The following VIT variants were observed in gnomAD, a reference collection of about 807,000 sequenced individuals.
VIT encodes vitrin.
In VIT, 99 loss-of-function variants were observed where a neutral mutation model predicts 78.0. The observed-to-expected ratio is 1.27, with a 90% CI of 1.08 to 1.50. VIT has a LOEUF of 1.50. VIT is among the 40% of genes most tolerant of loss of function. The pLI is 0.00. For missense variants in VIT, 1,126 were observed against 875.3 expected (o/e 1.29, Z -3.61); for synonymous variants, 374 against 334.3 (o/e 1.12, Z -1.29).
intron 1 of VIT, among the ~76,000 whole-genome samples, chr2:36,699,587 T>TATATAC (rs1553357663): frequency 2.2e-5 from 3 of 138,756 alleles, no homozygotes; most frequent in Non-Finnish European, 3.1e-5. Context: ...GAGGAGATTA[T>TATATAC]AGATATAGAT....
intron 9 of VIT, among the ~76,000 whole-genome samples, chr2:36,776,646 C>T (rs891543308): frequency 6.6e-6 from 1 of 151,722 alleles, no homozygotes; most frequent in Non-Finnish European, 1.5e-5. Flanking sequence ...ATTAAAAATA[C>T]AACAATGAGC....
chr2:36,788,539 A>G (rs1665264051), intron 12 of VIT, among the ~76,000 whole-genome samples: 1 of 152,202 alleles, frequency 6.6e-6, no homozygotes. Context: ...ATTGCTGCAA[A>G]TGTCACCTCT....
At chr2:36,760,605 G>A (rs1388960172) in intron 6 of VIT, among the ~76,000 whole-genome samples, 2 of 152,152 alleles carry the variant, frequency 1.3e-5, no homozygotes, top group Non-Finnish European at 2.9e-5. Context: ...TCCTTAAGTG[G>A]CTGGCATCTC....
chr2:36,800,204 G>A (rs1344031940), intron 12 of VIT, among the ~76,000 whole-genome samples: 2 of 152,124 alleles, frequency 1.3e-5, no homozygotes, highest in African/African-American at 2.4e-5. Context: ...AATTAGCCAG[G>A]CGCGGTGGCA....
chr2:36,803,911 C>G (rs1666515481), intron 13 of VIT, among the ~76,000 whole-genome samples: 1 of 152,120 alleles, frequency 6.6e-6, no homozygotes, highest in African/African-American at 2.4e-5. Flanking sequence ...ATTTCAAGTG[C>G]CCTGGGGTTC....
At chr2:36,806,013 C>T (rs1010225477) in intron 14 of VIT, among the ~76,000 whole-genome samples, 7 of 152,058 alleles carry the variant, frequency 4.6e-5, no homozygotes, top group Admixed American at 1.3e-4. Flanking sequence ...CACACACACA[C>T]GCACACACAC....
chr2:36,808,903 C>G lies in VIT; in HGVS notation c.1821C>G (p.Asn607Lys), dbSNP rs1161877010. The G allele has an allele frequency of 6.2e-7, 1 of 1,614,068 alleles. No individual in the cohort carries two copies. Among genetic ancestry groups the G allele is most frequent in the Non-Finnish European group, 8.5e-7 (1 of 1,179,974 alleles). The change falls in exon 15 of 16, where the codon AAC (asparagine) becomes AAG (lysine). Residue 607 changes from asparagine (N) to lysine (K), a missense_variant. Coordinates refer to ENST00000379242, the MANE Select transcript of VIT (RefSeq NM_053276.4). The part of the protein sequence containing the change: ...LEQLFKKSKP[N>K]KRKLMILITD... ...AGCTCTTCAAGAAGTCCAAGCCCAA[C>G]AAGAGGAAGTTAATGATCCTCATCA...
chr2:36,793,144 G>T (rs1665625048), intron 12 of VIT, among the ~76,000 whole-genome samples: 1 of 152,122 alleles, frequency 6.6e-6, no homozygotes, highest in South Asian at 2.1e-4. Context: ...CTGTGATGTG[G>T]TTGCAGATTA....
intron 12 of VIT, among the ~76,000 whole-genome samples, chr2:36,790,461 A>G (rs949793822): frequency 9.2e-5 from 14 of 152,176 alleles, no homozygotes; most frequent in Non-Finnish European, 7.4e-5. Flanking sequence ...CCACCATGGA[A>G]CTGGGCAAGC....
Position 36,808,929 on chromosome 2 carries a change from C to T in VIT, c.1847C>T (p.Thr616Ile), listed in dbSNP as rs773913672. 2 of 1,613,026 alleles carry T rather than the reference C, an allele frequency of 1.2e-6. No individual in the cohort carries two copies. Among genetic ancestry groups the T allele is most frequent in the African/African-American group, 1.3e-5 (1 of 74,906 alleles). Residue 616 changes from threonine to isoleucine, a missense_variant, in exon 15 of 16, where the codon ACC becomes ATC. Physicochemically the swap from Thr to Ile is moderately conservative, Grantham distance 89 (BLOSUM62 -1). Coordinates refer to ENST00000379242, the MANE Select transcript of VIT (RefSeq NM_053276.4). ...AAGAGGAAGTTAATGATCCTCATCA[C>T]CGACGGGAGGTCCTACGACGACGTC... is the stretch of plus-strand genomic sequence containing the variant. ...PNKRKLMILITDGRSYDDVRI... is the reference protein window; with the variant it reads ...PNKRKLMILIIDGRSYDDVRI...
At chr2:36,704,844 C>T (rs1267925232) in intron 1 of VIT, among the ~76,000 whole-genome samples, 1 of 150,878 alleles carries the variant, frequency 6.6e-6, no homozygotes, top group African/African-American at 2.4e-5. Context: ...GCAGACGCAC[C>T]CTCATCTTCC....
At chr2:36,800,663 T>C (rs1666258725) in intron 12 of VIT, among the ~76,000 whole-genome samples, 1 of 152,196 alleles carries the variant, frequency 6.6e-6, no homozygotes, top group African/African-American at 2.4e-5. Context: ...CTCCGCCGCT[T>C]CGTGGGGATT....
At chr2:36,704,824 T>G (rs1283015953) in intron 1 of VIT, among the ~76,000 whole-genome samples, 7 of 151,976 alleles carry the variant, frequency 4.6e-5, no homozygotes. Flanking sequence ...GAGGGGAGGG[T>G]GTGGATCTTG....
intron 12 of VIT, among the ~76,000 whole-genome samples, chr2:36,794,957 G>T (rs1441314981): frequency 1.3e-5 from 2 of 152,182 alleles, no homozygotes; most frequent in African/African-American, 4.8e-5. Context: ...ATAGAAGCAA[G>T]GGGTGGTCAG....
intron 3 of VIT, among the ~76,000 whole-genome samples, chr2:36,742,532 T>C (rs183141802): frequency 6.6e-6 from 1 of 152,276 alleles, no homozygotes; most frequent in Non-Finnish European, 1.5e-5. Context: ...CAGAAGTCTT[T>C]CATTGCCTTC....
At chr2:36,806,268 C>A (rs1041980644) in intron 14 of VIT, among the ~76,000 whole-genome samples, 2 of 152,168 alleles carry the variant, frequency 1.3e-5, no homozygotes, top group South Asian at 4.1e-4. Context: ...AAATAGAAAG[C>A]AAGCCTTGGA....
intron 15 of VIT, among the ~76,000 whole-genome samples, chr2:36,809,333 T>C (rs1191891501): frequency 1.3e-5 from 2 of 152,354 alleles, no homozygotes; most frequent in East Asian, 1.9e-4. Flanking sequence ...TTTACCTCTA[T>C]TAAAAACACC....
intron 11 of VIT, among the ~76,000 whole-genome samples, chr2:36,785,934 C>G (rs1465071357): frequency 3.3e-5 from 5 of 152,258 alleles, no homozygotes; most frequent in African/African-American, 4.8e-5. Flanking sequence ...TTGCTTTCAT[C>G]TTTAAAACAA....
intron 3 of VIT, among the ~76,000 whole-genome samples, chr2:36,729,765 T>C (rs974642528): frequency 6.6e-6 from 1 of 152,238 alleles, no homozygotes; most frequent in African/African-American, 2.4e-5. Context: ...AGTATGTCTC[T>C]ATGGCTAAGC....
Sources: allele counts gnomAD v4.1 joint callset (sites outside exome capture counted in the v4.1 genomes callset), GRCh38; gene constraint gnomAD v4.1.1; transcripts MANE v1.5; gene names NCBI Gene and HGNC (gene_info 2026-07-23, HGNC 2026-07-21).